The following ATP2B1 variants were observed in gnomAD, a reference collection of about 807,000 sequenced individuals.
The protein encoded by ATP2B1 is ATPase plasma membrane Ca2+ transporting 1, also known as plasma membrane calcium-transporting ATPase 1.
A neutral mutation model predicts 124.2 loss-of-function variants in ATP2B1; 14 were observed. The observed-to-expected ratio is 0.11, with a 90% CI of 0.07 to 0.18. ATP2B1 has a LOEUF of 0.18. ATP2B1 is among the 10% of genes least tolerant of loss of function. The pLI, the probability that ATP2B1 is intolerant of heterozygous loss-of-function variation, is 1.00. For missense variants in ATP2B1, 763 were observed against 1,466.1 expected (o/e 0.52, Z 7.83); for synonymous variants, 449 against 492.4 (o/e 0.91, Z 1.17).
At chr12:89,673,593 G>A (rs567244545) in intron 1 of ATP2B1, among the ~76,000 whole-genome samples, 1 of 152,322 alleles carries the variant, frequency 6.6e-6, no homozygotes, top group Non-Finnish European at 1.5e-5. Context: ...AGGGTGCCAT[G>A]AGGACTAAAA....
At chr12:89,685,878 A>G (rs957389561) in intron 1 of ATP2B1, among the ~76,000 whole-genome samples, 2 of 152,122 alleles carry the variant, frequency 1.3e-5, no homozygotes, top group African/African-American at 2.4e-5. Context: ...CAAAAAGGCC[A>G]TATGAGGACA....
At chr12:89,691,778 A>C (rs555458548) in intron 1 of ATP2B1, among the ~76,000 whole-genome samples, 1 of 152,182 alleles carries the variant, frequency 6.6e-6, no homozygotes, top group Non-Finnish European at 1.5e-5. Context: ...ACAAAACAGG[A>C]AAGTCCACCC....
chr12:89,702,419 A>G (rs994754912), intron 1 of ATP2B1, among the ~76,000 whole-genome samples: 1 of 152,248 alleles, frequency 6.6e-6, no homozygotes, highest in Admixed American at 6.5e-5. Flanking sequence ...TGGCACAAAT[A>G]TGAAAGGTAG....
intron 1 of ATP2B1, among the ~76,000 whole-genome samples, chr12:89,700,211 A>G (rs1407886874): frequency 1.3e-5 from 2 of 152,056 alleles, no homozygotes; most frequent in Non-Finnish European, 2.9e-5. Context: ...AAAGGGGTTG[A>G]CTGACGAATC....
intron 1 of ATP2B1, among the ~76,000 whole-genome samples, chr12:89,662,805 C>T (rs1384991800): frequency 6.6e-6 from 1 of 152,024 alleles, no homozygotes; most frequent in Non-Finnish European, 1.5e-5. Flanking sequence ...CTAGTAGACT[C>T]TTCCAGAGGC....
chr12:89,644,318 T>C (rs1048765857), intron 2 of ATP2B1, among the ~76,000 whole-genome samples: 9 of 152,130 alleles, frequency 5.9e-5, no homozygotes, highest in Non-Finnish European at 1.3e-4. Flanking sequence ...TTTAAGTGCT[T>C]TAACTATTAA....
At chr12:89,704,640 A>C (rs1892243125) in intron 1 of ATP2B1, among the ~76,000 whole-genome samples, 1 of 152,182 alleles carries the variant, frequency 6.6e-6, no homozygotes, top group African/African-American at 2.4e-5. Flanking sequence ...AAACAAAAAA[A>C]AGTACAATTG....
chr12:89,655,061 G>A (rs913156716), intron 2 of ATP2B1, among the ~76,000 whole-genome samples: 1 of 152,078 alleles, frequency 6.6e-6, no homozygotes, highest in African/African-American at 2.4e-5. Flanking sequence ...TTCTCAAAAG[G>A]AAAACCTGCC....
chr12:89,593,517 T>C (rs1873988305), intron 20 of ATP2B1: 1 of 152,070 alleles, frequency 6.6e-6, no homozygotes, highest in Admixed American at 6.6e-5. Context: ...TCAGTCGGTA[T>C]AAAAGTGAGC....
At position 89,588,680 on chromosome 12, in the gene ATP2B1, T is replaced by C. The variant is rs1873048249; in HGVS notation, c.*2304A>G. 6.6e-6 allele frequency: 1 copy of C among 152,592 alleles called. No homozygotes were observed. 9.5% of individuals were successfully genotyped at this position (152,592 alleles called of 1,614,324 possible). On this transcript the variant is annotated 3_prime_UTR_variant, in exon 21 of 21. Transcript: ENST00000428670. Reference sequence around the variant, plus strand: ...TCATAGATGTCATAAGACCCGTTTATGGATTAGAGTTGGTGTAGAAAGCCA... The same window carrying C: ...TCATAGATGTCATAAGACCCGTTTACGGATTAGAGTTGGTGTAGAAAGCCA...
At chr12:89,671,163 T>A (rs1887929718) in intron 1 of ATP2B1, among the ~76,000 whole-genome samples, 1 of 152,022 alleles carries the variant, frequency 6.6e-6, no homozygotes, top group Admixed American at 6.5e-5. Context: ...GAGCAGAACA[T>A]TCAAAATGGG....
intron 15 of ATP2B1, among the ~76,000 whole-genome samples, chr12:89,608,341 T>C (rs527959467): frequency 1.3e-5 from 2 of 152,120 alleles, no homozygotes; most frequent in South Asian, 2.1e-4. Flanking sequence ...CTAATTTTTG[T>C]ATGTTTTTTT....
chr12:89,649,122 T>A (rs1884903908), intron 2 of ATP2B1, among the ~76,000 whole-genome samples: 1 of 152,180 alleles, frequency 6.6e-6, no homozygotes, highest in South Asian at 2.1e-4. Flanking sequence ...CCAAGGGGAA[T>A]TGTAGGGTTG....
chr12:89,663,384 G>C (rs927880700), intron 1 of ATP2B1, among the ~76,000 whole-genome samples: 2 of 152,088 alleles, frequency 1.3e-5, no homozygotes, highest in African/African-American at 4.8e-5. Flanking sequence ...AGATTCTTGA[G>C]GGTATGCAAA....
At chr12:89,652,006 G>C (rs769449896) in intron 2 of ATP2B1, among the ~76,000 whole-genome samples, 1 of 152,148 alleles carries the variant, frequency 6.6e-6, no homozygotes, top group Non-Finnish European at 1.5e-5. Context: ...GTCTTGGGTT[G>C]CTCCTCCATA....
At chr12:89,681,998 T>A (rs1337740737) in intron 1 of ATP2B1, among the ~76,000 whole-genome samples, 1 of 152,144 alleles carries the variant, frequency 6.6e-6, no homozygotes, top group Non-Finnish European at 1.5e-5. Context: ...AGACCTTGAA[T>A]ATCACGGACT....
chr12:89,604,862 C>G (rs1367746016), intron 15 of ATP2B1, among the ~76,000 whole-genome samples: 1 of 143,478 alleles, frequency 7.0e-6, no homozygotes, highest in Non-Finnish European at 1.5e-5. Context: ...CAGAACCCCC[C>G]TGTCAGCTCC....
intron 1 of ATP2B1, among the ~76,000 whole-genome samples, chr12:89,706,114 C>G (rs1199524797): frequency 6.6e-6 from 1 of 152,154 alleles, no homozygotes; most frequent in Non-Finnish European, 1.5e-5. Flanking sequence ...TACAGTAACT[C>G]TTTTCTAAGT....
chr12:89,643,065 T>TACACACAC (rs145355576), intron 2 of ATP2B1, among the ~76,000 whole-genome samples: 2,906 of 143,610 alleles, frequency 0.02, 54 homozygotes, highest in Middle Eastern at 0.058. Context: ...TAAAGATACA[T>TACACACAC]ACACACACAC....
Sources: gnomAD v4.1 joint callset for allele counts (sites outside exome capture counted in the v4.1 genomes callset) on GRCh38, gnomAD v4.1.1 for gene constraint, MANE v1.5 for transcripts, NCBI Gene and HGNC (gene_info 2026-07-23, HGNC 2026-07-21) for gene names.